Variants in CEP112 observed in about 807,000 individuals in gnomAD.
The protein encoded by CEP112 is centrosomal protein 112.
CEP112 carries 127 observed loss-of-function variants against 153.0 expected under a neutral mutation model. The ratio of observed to expected loss-of-function variants is 0.83; its 90% CI spans 0.72 to 0.96. The LOEUF (loss-of-function observed/expected upper bound fraction) is 0.96, where lower values mean the gene tolerates loss of function less well. Among genes scored for constraint, CEP112 ranks in the 40% least tolerant of loss-of-function variants. The pLI, the probability that CEP112 is intolerant of heterozygous loss-of-function variation, is 0.00. For missense variants in CEP112, 1,089 were observed against 1,101.2 expected, an observed-to-expected ratio of 0.99 and a Z score of 0.16; for synonymous variants, 358 against 374.4, an observed-to-expected ratio of 0.96 and a Z score of 0.51.
intron 20 of CEP112, among the ~76,000 whole-genome samples, chr17:65,877,542 A>C (rs62065121): frequency 0.14 from 22,023 of 152,048 alleles, 1,653 homozygotes; most frequent in African/African-American, 0.18. Flanking sequence ...CTCACTTCAG[A>C]CTCCTACAAT....
At chr17:66,061,427 A>C (rs776567123) in intron 11 of CEP112, among the ~76,000 whole-genome samples, 1 of 152,150 alleles carries the variant, frequency 6.6e-6, no homozygotes, top group Non-Finnish European at 1.5e-5. Context: ...CCCCTACTAG[A>C]TATATATCTG....
intron 22 of CEP112, among the ~76,000 whole-genome samples, chr17:65,746,319 C>T (rs1054702007): frequency 6.6e-6 from 1 of 151,744 alleles, no homozygotes; most frequent in Non-Finnish European, 1.5e-5. Context: ...GGAGAGATTC[C>T]TCTGGGGAAA....
intron 23 of CEP112, among the ~76,000 whole-genome samples, chr17:65,694,293 G>A (rs2048259354): frequency 6.6e-6 from 1 of 152,202 alleles, no homozygotes; most frequent in African/African-American, 2.4e-5. Flanking sequence ...GGCAATTGAG[G>A]AGAAGTTAGG....
chr17:65,866,500 G>A (rs1181269425), intron 20 of CEP112, among the ~76,000 whole-genome samples: 5 of 152,238 alleles, frequency 3.3e-5, no homozygotes. Context: ...AAGCCAGGGA[G>A]GGACTGAAGC....
chr17:66,070,585 A>G (rs1378480838), intron 8 of CEP112, among the ~76,000 whole-genome samples: 5 of 152,154 alleles, frequency 3.3e-5, no homozygotes, highest in African/African-American at 1.2e-4. Flanking sequence ...CCTTCCAAGC[A>G]TTCCTTAACT....
At position 66,029,947 on chromosome 17, in the gene CEP112, T is replaced by C; in HGVS notation, c.1295A>G (p.Gln432Arg). 1 of 1,613,870 alleles carries C rather than the reference T, an allele frequency of 6.2e-7. No individual in the cohort carries two copies. Among genetic ancestry groups the C allele is most frequent in the Non-Finnish European group, 8.5e-7 (1 of 1,179,790 alleles). ...TTCTGCTTTTTCTTGAATTAATTTC[T>C]GCCTCTGTAAATTACTGTTCTCTGC... is the stretch of plus-strand genomic sequence containing the variant. ...GEAENSNLQRQKLIQEKAELE... is the reference protein window; with the variant it reads ...GEAENSNLQRRKLIQEKAELE... Residue 432 changes from glutamine (Q) to arginine (R), a missense_variant, in exon 13 of 27, where the codon CAG (glutamine) becomes CGG (arginine). Gln to Arg is a conservative substitution (Grantham distance 43). Transcript: ENST00000535342.
chr17:65,740,432 T>C (rs2051062892), intron 23 of CEP112, among the ~76,000 whole-genome samples: 1 of 152,228 alleles, frequency 6.6e-6, no homozygotes, highest in Admixed American at 6.5e-5. Flanking sequence ...TCAGGCAATT[T>C]AATAATGATA....
At chr17:65,871,845 G>A (rs2146510662) in intron 20 of CEP112, among the ~76,000 whole-genome samples, 1 of 152,298 alleles carries the variant, frequency 6.6e-6, no homozygotes, top group Middle Eastern at 3.4e-3. Flanking sequence ...TATGTTTATA[G>A]TGTCAGTAGA....
At chr17:65,778,898 G>A (rs1183455293) in intron 21 of CEP112, among the ~76,000 whole-genome samples, 1 of 152,106 alleles carries the variant, frequency 6.6e-6, no homozygotes, top group Admixed American at 6.6e-5. Context: ...TACTTGGGAG[G>A]TTGAGGCAGG....
chr17:66,184,330 A>T (rs2072842058), intron 1 of CEP112, among the ~76,000 whole-genome samples: 1 of 152,202 alleles, frequency 6.6e-6, no homozygotes, highest in Admixed American at 6.5e-5. Flanking sequence ...GTTGTTAAGG[A>T]ATTGAGAAGA....
At chr17:65,654,533 C>T (rs1284254969) in intron 24 of CEP112, among the ~76,000 whole-genome samples, 2 of 152,256 alleles carry the variant, frequency 1.3e-5, no homozygotes, top group East Asian at 3.9e-4. Flanking sequence ...AAGCAGTTGC[C>T]GACCTCTGTT....
chr17:66,070,137 C>T, intron 8 of CEP112, 136 bp from the exon 9 acceptor site: 1 of 600,472 alleles, frequency 1.7e-6, no homozygotes. Flanking sequence ...CAGATTCTAG[C>T]AATCACATTA....
chr17:65,950,208 A>C lies in CEP112; in HGVS notation c.1872+11255T>G, dbSNP rs145230763. ...GTGGAAAATAGCTTATTGCTGTTTT[A>C]ATTTTTTTTAAACTTTACTAGTGAA... On this transcript the variant is annotated intron_variant, in intron 18 of 26. Transcript: ENST00000535342. 3.2e-3 allele frequency among the ~76,000 whole-genome samples: 489 copies of C among 152,232 alleles called. 4 individuals carry two copies. Among genetic ancestry groups the C allele is most frequent in the East Asian group, 9.3e-3 (48 of 5,188 alleles).
At chr17:66,147,878 A>G (rs117376735) in intron 4 of CEP112, among the ~76,000 whole-genome samples, 5,193 of 152,242 alleles carry the variant, frequency 0.034, 132 homozygotes, top group Middle Eastern at 0.061. Context: ...TTGTCTTTAT[A>G]CCAGTACCAC....
At chr17:66,091,206 T>C (rs2068118454) in intron 8 of CEP112, among the ~76,000 whole-genome samples, 1 of 152,088 alleles carries the variant, frequency 6.6e-6, no homozygotes, top group African/African-American at 2.4e-5. Flanking sequence ...TATACAGATA[T>C]ACAAAATGTA....
intron 24 of CEP112, among the ~76,000 whole-genome samples, chr17:65,670,965 G>A (rs745919229): frequency 4.6e-5 from 7 of 151,870 alleles, no homozygotes; most frequent in East Asian, 3.9e-4. Flanking sequence ...CACTACAGTC[G>A]TTGAAAAAAT....
At chr17:66,047,534 ATC>A (rs2066263794) in intron 12 of CEP112, among the ~76,000 whole-genome samples, 1 of 152,158 alleles carries the variant, frequency 6.6e-6, no homozygotes, top group Admixed American at 6.5e-5. Flanking sequence ...CTTTTTCATC[ATC>A]TCTTTTCTAA....
Position 66,029,211 on chromosome 17 carries a change from T to C in CEP112, c.1415A>G (p.Asp472Gly), listed in dbSNP as rs1474670215. 1.2e-6 allele frequency: 2 copies of C among 1,611,840 alleles called. No individual in the cohort carries two copies. The highest frequency in any genetic ancestry group is 1.3e-5 in the African/African-American group (1 of 74,870). Residue 472 changes from aspartate (D) to glycine (G), a missense_variant, in exon 14 of 27, where the codon GAT becomes GGT. Physicochemically the swap from Asp to Gly is moderately conservative, Grantham distance 94. Transcript: ENST00000535342. Reference sequence around the variant, plus strand: ...TAACAGTTTCATGTTTTGCTCATAATCATTTACAAGATGGTCCTTCTCTTT... The same window carrying C: ...TAACAGTTTCATGTTTTGCTCATAACCATTTACAAGATGGTCCTTCTCTTT... ...LHKEKDHLVN[D>G]YEQNMKLLQT...
At chr17:65,750,174 TTC>T (rs2051733388) in intron 22 of CEP112, among the ~76,000 whole-genome samples, 2 of 152,238 alleles carry the variant, frequency 1.3e-5, no homozygotes, top group South Asian at 4.1e-4. Context: ...GGACTTAGAA[TTC>T]TCTTTGTCCT....
Sources: gnomAD v4.1 joint callset for allele counts (sites outside exome capture counted in the v4.1 genomes callset) on GRCh38, gnomAD v4.1.1 for gene constraint, MANE v1.5 for transcripts, NCBI Gene and HGNC (gene_info 2026-07-23, HGNC 2026-07-21) for gene names.